The following MYT1L variants were observed in gnomAD, a reference collection of about 807,000 sequenced individuals.
The protein encoded by MYT1L is myelin transcription factor 1-like protein.
Under a neutral mutation model 126.7 loss-of-function variants are expected in MYT1L, and 12 were observed. That is an observed-to-expected ratio of 0.09 (90% confidence interval 0.06 to 0.15). The LOEUF (loss-of-function observed/expected upper bound fraction) is 0.15, where lower values mean the gene tolerates loss of function less well. Ranked by LOEUF, MYT1L falls within the 10% of genes least tolerant of loss-of-function variation. The probability of loss-of-function intolerance (pLI) is 1.00; values close to 1 mark genes in which losing one functional copy is unlikely to be tolerated. For missense variants in MYT1L, 979 were observed against 1,585.2 expected (o/e 0.62, Z 6.49); for synonymous variants, 541 against 604.2 (o/e 0.90, Z 1.53).
intron 2 of MYT1L, among the ~76,000 whole-genome samples, chr2:2,202,233 C>T (rs2093111228): frequency 1.3e-5 from 2 of 152,030 alleles, no homozygotes; most frequent in South Asian, 2.1e-4. Flanking sequence ...AGAGCAAACA[C>T]ATTCAAAAGC....
At chr2:1,950,530 G>A (rs1199525313) in intron 8 of MYT1L, among the ~76,000 whole-genome samples, 2 of 150,998 alleles carry the variant, frequency 1.3e-5, no homozygotes, top group African/African-American at 4.9e-5. Flanking sequence ...CTGAGACAGA[G>A]ACACAGACAC....
At chr2:2,103,022 C>T (rs1250175056) in intron 3 of MYT1L, among the ~76,000 whole-genome samples, 1 of 152,074 alleles carries the variant, frequency 6.6e-6, no homozygotes, top group African/African-American at 2.4e-5. Flanking sequence ...GTATTTAGCG[C>T]TAATTGAGAA....
intron 15 of MYT1L, 118 bp downstream of exon 15, chr2:1,891,916 TAGG>T (rs1410566650): frequency 1.5e-4 from 215 of 1,420,648 alleles, no homozygotes; most frequent in Non-Finnish European, 1.8e-4. Flanking sequence ...GAGAATGGTT[TAGG>T]AGATCACGGC....
intron 8 of MYT1L, among the ~76,000 whole-genome samples, chr2:1,956,149 C>T (rs1041653741): frequency 6.6e-6 from 1 of 151,924 alleles, no homozygotes; most frequent in Non-Finnish European, 1.5e-5. Context: ...GTCTATCTAC[C>T]TATTTTACCA....
At chr2:2,000,502 G>A (rs2062260075) in intron 4 of MYT1L, among the ~76,000 whole-genome samples, 1 of 152,060 alleles carries the variant, frequency 6.6e-6, no homozygotes, top group Non-Finnish European at 1.5e-5. Flanking sequence ...CTGAGTGACG[G>A]GCACTTCTCC....
At chr2:2,279,593 G>GAAGGAAGGAAGGAAGGAAGA (rs1331951977) in intron 2 of MYT1L, among the ~76,000 whole-genome samples, 1 of 150,916 alleles carries the variant, frequency 6.6e-6, no homozygotes, top group Non-Finnish European at 1.5e-5. Flanking sequence ...AGGAAGGAAG[G>GAAGGAAGGAAGGAAGGAAGA]AAGGAAGGAA....
chr2:2,291,345 G>C (rs1296697725), intron 1 of MYT1L, among the ~76,000 whole-genome samples: 1 of 152,194 alleles, frequency 6.6e-6, no homozygotes, highest in East Asian at 1.9e-4. Flanking sequence ...AGGACAATTA[G>C]CTAGAGAAGC....
chr2:2,317,877 G>T (rs971146441), intron 1 of MYT1L, among the ~76,000 whole-genome samples: 17 of 152,120 alleles, frequency 1.1e-4, no homozygotes, highest in Admixed American at 1.1e-3. Context: ...TCTAAGAGCA[G>T]GTGCCAAGAG....
intron 2 of MYT1L, among the ~76,000 whole-genome samples, chr2:2,210,824 G>A (rs2093479855): frequency 6.6e-6 from 1 of 152,146 alleles, no homozygotes; most frequent in African/African-American, 2.4e-5. Context: ...GGGTAGTATG[G>A]ACGTTTTAAC....
intron 1 of MYT1L, among the ~76,000 whole-genome samples, chr2:2,318,113 A>G (rs557773248): frequency 6.6e-6 from 1 of 152,342 alleles, no homozygotes; most frequent in African/African-American, 2.4e-5. Flanking sequence ...GCTAAAATAC[A>G]TGATTCAATT....
chr2:2,068,766 C>CTTTTTTTTTT (rs1370285207), intron 3 of MYT1L, among the ~76,000 whole-genome samples: 6 of 5,864 alleles, frequency 1.0e-3, no homozygotes, highest in Non-Finnish European at 1.5e-3. Context: ...CTGTGTTCTT[C>CTTTTTTTTTT]TTGTTTTTTT....
chr2:2,262,300 C>A (rs1320537859), intron 2 of MYT1L, among the ~76,000 whole-genome samples: 3 of 152,068 alleles, frequency 2.0e-5, no homozygotes, highest in Admixed American at 6.6e-5. Context: ...TCCTATCAAG[C>A]AAAATACTTC....
At chr2:1,989,158 G>A (rs1446435815) in intron 5 of MYT1L, among the ~76,000 whole-genome samples, 1 of 152,096 alleles carries the variant, frequency 6.6e-6, no homozygotes, top group African/African-American at 2.4e-5. Flanking sequence ...TGTGTGTCAG[G>A]TGGGAACACA....
At chr2:2,234,597 CAA>C (rs1336711830) in intron 2 of MYT1L, among the ~76,000 whole-genome samples, 2 of 152,174 alleles carry the variant, frequency 1.3e-5, no homozygotes, top group East Asian at 3.9e-4. Context: ...GCCTTGCCTA[CAA>C]AGTCAACAGT....
chr2:1,796,833 G>A (rs758324930), intron 23 of MYT1L, among the ~76,000 whole-genome samples: 2 of 152,128 alleles, frequency 1.3e-5, no homozygotes, highest in Non-Finnish European at 2.9e-5. Flanking sequence ...GTGGGGTCTC[G>A]AACTCCGGCT....
At chr2:1,845,032 G>A (rs1488247676) in intron 19 of MYT1L, among the ~76,000 whole-genome samples, 1 of 150,170 alleles carries the variant, frequency 6.7e-6, no homozygotes, top group Non-Finnish European at 1.5e-5. Context: ...AGGCTGGAGT[G>A]CAGGGGCATG....
At position 2,086,643 on chromosome 2, in the gene MYT1L, T is replaced by A. The variant is rs556794977; in HGVS notation, c.-303-32520A>T. On this transcript the variant is annotated intron_variant, in intron 3 of 24. Transcript: ENST00000647738. ...GAAGGTCCCTGGCTTCTGCCTGCCC[T>A]GCTGTTGGTTCTGAGGCTAGCAAAG... is the stretch of plus-strand genomic sequence containing the variant. Among the ~76,000 whole-genome samples the A allele has an allele frequency of 1.5e-4, 23 of 152,302 alleles. No homozygotes were observed. In the East Asian group the frequency reaches 3.5e-3, roughly 23 times the overall value.
At position 2,153,052 on chromosome 2, in the gene MYT1L, C is replaced by T. The variant is rs1173208947; in HGVS notation, c.-304+19820G>A. Among the ~76,000 whole-genome samples the T allele has an allele frequency of 2.0e-5, 3 of 152,140 alleles. 1 individual carries two copies. Among genetic ancestry groups the T allele is most frequent in the African/African-American group, 7.2e-5 (3 of 41,424 alleles). ...ATGGCTTGTGCCTGTAATCTCAGCA[C>T]TTTGGGAGACTAAGGTGGGAGGGTT... On this transcript the variant is annotated intron_variant, in intron 3 of 24. Coordinates refer to ENST00000647738, the MANE Select transcript of MYT1L (RefSeq NM_001303052.2).
intron 2 of MYT1L, among the ~76,000 whole-genome samples, chr2:2,279,014 G>A (rs1177177163): frequency 6.6e-6 from 1 of 152,144 alleles, no homozygotes; most frequent in Non-Finnish European, 1.5e-5. Flanking sequence ...CCACGAGCCT[G>A]TGTCTCTGAG....
Sources: gnomAD v4.1 joint callset for allele counts (sites outside exome capture counted in the v4.1 genomes callset) on GRCh38, gnomAD v4.1.1 for gene constraint, MANE v1.5 for transcripts, NCBI Gene and HGNC (gene_info 2026-07-23, HGNC 2026-07-21) for gene names.